ABCA5: variants seen among roughly 807,000 people sequenced by gnomAD.
ABCA5 encodes the protein ATP binding cassette subfamily A member 5, also known as cholesterol transporter ABCA5.
In ABCA5, 163 loss-of-function variants were observed where a neutral mutation model predicts 206.0. That is an observed-to-expected ratio of 0.79 (90% confidence interval 0.70 to 0.90). The LOEUF is 0.90. ABCA5 is among the 40% of genes least tolerant of loss of function. ABCA5 has a pLI of 0.00. For synonymous variants in ABCA5, 609 were observed against 613.8 expected (o/e 0.99, Z 0.11); for missense variants, 1,859 against 1,912.9 (o/e 0.97, Z 0.53).
intron 4 of ABCA5, 118 bp from the exon 5 acceptor site, chr17:69,308,486 C>T: frequency 1.8e-6 from 1 of 558,124 alleles, no homozygotes; most frequent in East Asian, 2.8e-5. Context: ...CTTTACAGGA[C>T]CAAAGAAATA....
Position 69,267,980 on chromosome 17 carries a change from GGCATTGCA to G in ABCA5, c.3099_3106del (p.Ala1034ThrfsTer12). ...TGCATTTTCCATGGCAAAGTAAGGT[GGCATTGCA>G]GTAACAATGATTCCAAGCAAAGCTG... is the stretch of plus-strand genomic sequence containing the variant. On this transcript the variant is annotated frameshift_variant, in exon 23 of 39. Transcript: ENST00000392676. LOFTEE classifies it high-confidence loss of function. 1 of 1,610,650 alleles carries G rather than the reference GGCATTGCA, an allele frequency of 6.2e-7. No individual in the cohort carries two copies. The highest frequency in any genetic ancestry group is 8.5e-7 in the Non-Finnish European group (1 of 1,177,454).
intron 1 of ABCA5, among the ~76,000 whole-genome samples, chr17:69,323,020 T>A (rs2075876362): frequency 6.6e-6 from 1 of 152,160 alleles, no homozygotes; most frequent in African/African-American, 2.4e-5. Flanking sequence ...TTACTTCTCA[T>A]CCACCTAAGC....
chr17:69,274,948 A>G (rs817121), intron 19 of ABCA5, among the ~76,000 whole-genome samples: 31,317 of 147,516 alleles, frequency 0.21, 3,909 homozygotes, highest in East Asian at 0.51. Flanking sequence ...GGTTCAAACG[A>G]TTGTCATGCC....
intron 8 of ABCA5, among the ~76,000 whole-genome samples, chr17:69,301,953 G>A (rs971798840): frequency 7.9e-5 from 12 of 152,052 alleles, no homozygotes; most frequent in East Asian, 5.8e-4. Context: ...ATAATTCTTC[G>A]TTCCTAGAGA....
chr17:69,268,596 C>G (rs1017660688), intron 22 of ABCA5: 1 of 152,140 alleles, frequency 6.6e-6, no homozygotes, highest in African/African-American at 2.4e-5. Flanking sequence ...AGTCAGCTAA[C>G]TTTCCCAGAC....
chr17:69,262,964 G>T (rs1351348861), intron 24 of ABCA5, among the ~76,000 whole-genome samples: 1 of 152,072 alleles, frequency 6.6e-6, no homozygotes, highest in Non-Finnish European at 1.5e-5. Flanking sequence ...CTGTGGTTTT[G>T]ATTTACATTT....
rs201797818 is a variant in ABCA5, at chr17:69,256,271, C to T, written c.3744G>A (p.Thr1248=). Residue 1248 remains threonine (T), a synonymous_variant, in exon 29 of 39, where the codon ACG becomes ACA. Coordinates refer to ENST00000392676, the MANE Select transcript of ABCA5 (RefSeq NM_172232.4). ...CTGGAAGCTTCCTATTTTTAGACTT[C>T]GTTGAAAGGTTTCTACATATATATA... ...RKDPFFRNLS[T]KSKNRKLPEP... The T allele has an allele frequency of 2.3e-5, 36 of 1,594,266 alleles. No individual in the cohort carries two copies. Among genetic ancestry groups the T allele is most frequent in the Middle Eastern group, 1.7e-4 (1 of 5,984 alleles).
chr17:69,318,959 G>T, intron 1 of ABCA5: 2 of 570,820 alleles, frequency 3.5e-6, no homozygotes, highest in South Asian at 1.9e-5. Context: ...CTTGGAACAA[G>T]TATAAATAAT....
intron 3 of ABCA5, among the ~76,000 whole-genome samples, chr17:69,312,710 G>C (rs954433824): frequency 6.6e-6 from 1 of 151,982 alleles, no homozygotes; most frequent in African/African-American, 2.4e-5. Flanking sequence ...TCAACTTCTT[G>C]AGTAGCTGGG....
At chr17:69,287,530 T>TA in intron 15 of ABCA5, 83 bp downstream of exon 15, 2 of 1,476,804 alleles carry the variant, frequency 1.4e-6, no homozygotes, top group Non-Finnish European at 1.8e-6. Flanking sequence ...CTTCTCTATT[T>TA]ATACCTCAGG....
At chr17:69,313,740 A>G (rs976048515) in intron 2 of ABCA5, among the ~76,000 whole-genome samples, 1 of 152,144 alleles carries the variant, frequency 6.6e-6, no homozygotes, top group African/African-American at 2.4e-5. Context: ...CCAAAACCAT[A>G]CTGAATTAAA....
chr17:69,301,052 G>A, intron 9 of ABCA5, 87 bp downstream of exon 9: 1 of 1,241,098 alleles, frequency 8.1e-7, no homozygotes, highest in Non-Finnish European at 1.1e-6. Flanking sequence ...CCCTGGTTAG[G>A]AAAAAAAATC....
Position 69,294,510 on chromosome 17 carries a change from A to T in ABCA5, c.1495+145T>A, listed in dbSNP as rs2075565136. 2.2e-5 allele frequency: 16 copies of T among 724,056 alleles called. 1 individual carries two copies. The South Asian group carries it at 2.9e-4, about 13-fold the overall frequency. The allele number at this position is 724,056 out of a possible 1,614,324, so 44.9% of individuals were successfully genotyped here. A position where few individuals can be genotyped will look rare whatever the true frequency, so the allele number is the denominator to read the frequency against. On this transcript the variant is annotated intron_variant, in intron 11 of 38. Transcript: ENST00000392676. ...GCACTATAACCTGGGTGACAGAGCG[A>T]GACTCCATCTCAAAAAAAATAAAAT...
intron 20 of ABCA5, 69 bp from the exon 21 acceptor site, chr17:69,271,358 T>C: frequency 7.0e-7 from 1 of 1,432,036 alleles, no homozygotes; most frequent in African/African-American, 1.5e-5. Flanking sequence ...ACTGGGAAGA[T>C]AATTCTATTT....
At position 69,304,659 on chromosome 17, in the gene ABCA5, A is replaced by C. The variant is rs201063343; in HGVS notation, c.930+10T>G. 137 of 1,556,032 alleles carry C rather than the reference A, an allele frequency of 8.8e-5. No homozygotes were observed. The highest frequency in any genetic ancestry group is 2.1e-4 in the Middle Eastern group (1 of 4,704). ...AGTTCTTTATTCCTATCACAAGTTAAAATACTTACAGATGATAATCCATAA... is the reference window on the plus strand; with the variant it reads ...AGTTCTTTATTCCTATCACAAGTTACAATACTTACAGATGATAATCCATAA... On this transcript the variant is annotated intron_variant, in intron 7 of 38. Transcript: ENST00000392676.
rs751460805 is a variant in ABCA5 at position 69,306,770 on chromosome 17, AT to A, written c.742del (p.Ile248Ter). On this transcript the variant is annotated frameshift_variant, in exon 6 of 39. Coordinates refer to ENST00000392676, the MANE Select transcript of ABCA5 (RefSeq NM_172232.4). LOFTEE classifies it high-confidence loss of function. ...TCCCATTATCTTTAAAAATTCTTTTATTTTTTTTTCTTTTTCTGCTACGATA... is the reference window on the plus strand; with the variant it reads ...TCCCATTATCTTTAAAAATTCTTTTATTTTTTTTCTTTTTCTGCTACGATA... Reference protein sequence around the residue: ...IHIVAEKEKKIKEFLKIMGLH... With the variant: ...IHIVAEKEKKXKEFLKIMGLH... 105 of 1,552,884 alleles carry A rather than the reference AT, an allele frequency of 6.8e-5. No homozygotes were observed. Among genetic ancestry groups the A allele is most frequent in the South Asian group, 2.9e-4 (23 of 80,688 alleles).
intron 23 of ABCA5, 71 bp from the exon 24 acceptor site, chr17:69,264,976 A>AT: frequency 9.2e-7 from 1 of 1,092,538 alleles, no homozygotes; most frequent in Non-Finnish European, 1.2e-6. Context: ...TTAGTAAATT[A>AT]TTGTAGATCT....
rs1404673765 is a variant in ABCA5 at position 69,285,970 on chromosome 17, C to G, written c.2200G>C (p.Ala734Pro). 6.2e-7 allele frequency: 1 copy of G among 1,612,976 alleles called. No homozygotes were observed. The highest frequency in any genetic ancestry group is 2.2e-5 in the East Asian group (1 of 44,796). The change falls in exon 17 of 39, where the codon GCT becomes CCT. Residue 734 changes from alanine to proline, a missense_variant. Physicochemically the swap from Ala to Pro is conservative, Grantham distance 27 (BLOSUM62 -1). Transcript: ENST00000392676. Reference protein sequence around the residue: ...SSLVKQHIPGATLLQQNDQQL... With the variant: ...SSLVKQHIPGPTLLQQNDQQL... ...TGGTCATTCTGTTGTAATAAAGTAG[C>G]TCCAGGTATATGTTGTTTAACCAGT...
Position 69,302,793 on chromosome 17 carries a change from T to A in ABCA5, c.1044A>T (p.Ile348=). The A allele has an allele frequency of 6.2e-7, 1 of 1,601,256 alleles. No homozygotes were observed. Among genetic ancestry groups the A allele is most frequent in the Non-Finnish European group, 8.5e-7 (1 of 1,176,764 alleles). ...FGFIGLMIIL[I]ESFPKSLVWL... ...ACACTAACGATTTGGGAAAACTTTC[T>A]ATGAGGATTATCATAAGGCCAATAA... The change falls in exon 8 of 39, where the codon ATA becomes ATT. Residue 348 remains isoleucine, a synonymous_variant. Coordinates refer to ENST00000392676, the MANE Select transcript of ABCA5 (RefSeq NM_172232.4).
Sources: gnomAD v4.1 joint callset for allele counts (sites outside exome capture counted in the v4.1 genomes callset) on GRCh38, gnomAD v4.1.1 for gene constraint, MANE v1.5 for transcripts, NCBI Gene and HGNC (gene_info 2026-07-23, HGNC 2026-07-21) for gene names.